Variants in CNTN5 observed in about 807,000 individuals in gnomAD.
CNTN5 encodes the protein contactin 5.
A neutral mutation model predicts 129.1 loss-of-function variants in CNTN5; 77 were observed. The observed-to-expected ratio is 0.60, with a 90% CI of 0.50 to 0.72. CNTN5 has a LOEUF of 0.72. Among genes scored for constraint, CNTN5 ranks in the 30% least tolerant of loss-of-function variants. The pLI is 0.00. For synonymous variants in CNTN5, 509 were observed against 465.6 expected, an observed-to-expected ratio of 1.09 and a Z score of -1.20; for missense variants, 1,478 against 1,328.8, an observed-to-expected ratio of 1.11 and a Z score of -1.75.
chr11:100,281,657 T>C (rs980624079), intron 18 of CNTN5, among the ~76,000 whole-genome samples: 1 of 152,174 alleles, frequency 6.6e-6, no homozygotes, highest in South Asian at 2.1e-4. Flanking sequence ...TCTCTGATAT[T>C]ATCCATTTGA....
intron 3 of CNTN5, among the ~76,000 whole-genome samples, chr11:99,813,360 G>T (rs180972794): frequency 3.9e-5 from 6 of 152,186 alleles, no homozygotes; most frequent in Admixed American, 3.3e-4. Context: ...TTGGGGTGAT[G>T]AATAAAAACA....
At chr11:99,320,927 T>C (rs1411255957) in intron 1 of CNTN5, among the ~76,000 whole-genome samples, 1 of 152,126 alleles carries the variant, frequency 6.6e-6, no homozygotes, top group African/African-American at 2.4e-5. Context: ...GTGGGCCCCA[T>C]CCAATCAGTT....
Position 100,243,107 on chromosome 11 carries a change from C to T in CNTN5, c.2006-12653C>T, listed in dbSNP as rs972959369. 3.9e-5 allele frequency among the ~76,000 whole-genome samples: 6 copies of T among 152,184 alleles called. No individual in the cohort carries two copies. In the South Asian group the frequency reaches 1.2e-3, roughly 31 times the overall value. On this transcript the variant is annotated intron_variant, in intron 16 of 24. Coordinates refer to ENST00000524871, the MANE Select transcript of CNTN5 (RefSeq NM_014361.4). Reference sequence around the variant, plus strand: ...ACGCTGCATCCTACTTTCCACCTCACCCTGTTCTTTGTAGTGTGCACGTGC... The same window carrying T: ...ACGCTGCATCCTACTTTCCACCTCATCCTGTTCTTTGTAGTGTGCACGTGC...
intron 2 of CNTN5, among the ~76,000 whole-genome samples, chr11:99,553,965 T>TACAC (rs34430127): frequency 0.26 from 37,179 of 145,666 alleles, 5,012 homozygotes; most frequent in Middle Eastern, 0.35. Flanking sequence ...TGAAAATGAA[T>TACAC]ACACACACAC....
intron 3 of CNTN5, among the ~76,000 whole-genome samples, chr11:99,689,051 G>A (rs1591482365): frequency 6.6e-6 from 1 of 152,020 alleles, no homozygotes; most frequent in Non-Finnish European, 1.5e-5. Context: ...ATTGTGAATA[G>A]TGCTCTAATG....
At chr11:99,446,988 G>A (rs927169202) in intron 2 of CNTN5, among the ~76,000 whole-genome samples, 6 of 152,090 alleles carry the variant, frequency 3.9e-5, no homozygotes, top group African/African-American at 1.4e-4. Context: ...TTGAGGCGAA[G>A]GGAAGTCTAA....
chr11:99,622,837 GA>G (rs139145102), intron 3 of CNTN5, among the ~76,000 whole-genome samples: 4 of 149,832 alleles, frequency 2.7e-5, no homozygotes, highest in African/African-American at 7.4e-5. Flanking sequence ...TTAGAAAACT[GA>G]AAAAAAAAGT....
In CNTN5 at chr11:100,343,640, A is replaced by G. The variant is rs574397511; in HGVS notation, c.3030+2435A>G. 2.0e-4 allele frequency among the ~76,000 whole-genome samples: 31 copies of G among 152,244 alleles called. 2 individuals are homozygous for G. The highest frequency in any genetic ancestry group is 6.0e-4 in the African/African-American group (25 of 41,554). ...TAAACTAAAGAGCTATAACCCAGAG[A>G]ACACAAGCTTGGAGCCCGTCTTCTG... On this transcript the variant is annotated intron_variant, in intron 23 of 24. Coordinates refer to ENST00000524871, the MANE Select transcript of CNTN5 (RefSeq NM_014361.4).
In CNTN5 at chr11:100,191,146, G is replaced by A. The variant is rs1415916209; in HGVS notation, c.1601G>A (p.Gly534Glu). 3.7e-6 allele frequency: 6 copies of A among 1,604,624 alleles called. No homozygotes were observed. In the African/African-American group the frequency reaches 8.1e-5, roughly 22 times the overall value. ...TTCAGAATAGCTATTCTTCCAGACG[G>A]GAGTCTACGGATCCTAAATGCTTCC... is the stretch of plus-strand genomic sequence containing the variant. Reference protein sequence around the residue: ...ENKRIAILPDGSLRILNASKS... With the variant: ...ENKRIAILPDESLRILNASKS... The change falls in exon 14 of 25, where the codon GGG becomes GAG. Residue 534 changes from glycine (G) to glutamate (E), a missense_variant. Coordinates refer to ENST00000524871, the MANE Select transcript of CNTN5 (RefSeq NM_014361.4).
intron 4 of CNTN5, among the ~76,000 whole-genome samples, chr11:99,835,058 C>G (rs1199197937): frequency 6.6e-6 from 1 of 152,186 alleles, no homozygotes; most frequent in Admixed American, 6.5e-5. Flanking sequence ...AAACTCCTTT[C>G]AAAAAGTTTA....
At chr11:99,168,329 C>T (rs1236459859) in intron 1 of CNTN5, among the ~76,000 whole-genome samples, 5 of 150,444 alleles carry the variant, frequency 3.3e-5, no homozygotes, top group East Asian at 2.0e-4. Flanking sequence ...TTTGGGAGGC[C>T]GAGGCCGGGG....
intron 3 of CNTN5, among the ~76,000 whole-genome samples, chr11:99,802,256 G>T (rs1357128467): frequency 3.3e-5 from 5 of 152,132 alleles, no homozygotes; most frequent in African/African-American, 1.2e-4. Context: ...CTAACATACT[G>T]GGTAGCTACT....
intron 3 of CNTN5, among the ~76,000 whole-genome samples, chr11:99,645,108 A>G (rs1462488845): frequency 6.6e-6 from 1 of 150,608 alleles, no homozygotes; most frequent in African/African-American, 2.4e-5. Context: ...TACTTTAAAA[A>G]AAAAAGCCAG....
intron 3 of CNTN5, 103 bp downstream of exon 3, chr11:99,556,372 T>G: frequency 1.5e-6 from 1 of 674,050 alleles, no homozygotes. Context: ...TAATTTAAAT[T>G]TATATCAGTA....
At chr11:99,647,788 A>AT (rs200264282) in intron 3 of CNTN5, among the ~76,000 whole-genome samples, 16 of 147,588 alleles carry the variant, frequency 1.1e-4, no homozygotes, top group African/African-American at 3.0e-4. Flanking sequence ...AAGGCATTTT[A>AT]TTTTTTTTTT....
intron 16 of CNTN5, among the ~76,000 whole-genome samples, chr11:100,231,567 AG>A (rs1436029078): frequency 6.6e-6 from 1 of 152,188 alleles, no homozygotes; most frequent in African/African-American, 2.4e-5. Context: ...GTGTCAAAGT[AG>A]TTATTAATGA....
chr11:99,479,814 AC>A (rs771094323), intron 2 of CNTN5, among the ~76,000 whole-genome samples: 1 of 152,068 alleles, frequency 6.6e-6, no homozygotes, highest in Non-Finnish European at 1.5e-5. Flanking sequence ...AGAAAAAAAA[AC>A]ATTTTATAAA....
At chr11:99,119,253 C>G (rs1301299855) in intron 1 of CNTN5, among the ~76,000 whole-genome samples, 1 of 152,104 alleles carries the variant, frequency 6.6e-6, no homozygotes, top group Non-Finnish European at 1.5e-5. Context: ...GGTATTAAGC[C>G]TAATATCTAT....
At chr11:99,917,420 A>C (rs1949821953) in intron 7 of CNTN5, among the ~76,000 whole-genome samples, 1 of 152,124 alleles carries the variant, frequency 6.6e-6, no homozygotes, top group Admixed American at 6.6e-5. Context: ...TATTACATTT[A>C]GGGAAAGTGT....
Sources: gnomAD v4.1 joint callset for allele counts (sites outside exome capture counted in the v4.1 genomes callset) on GRCh38, gnomAD v4.1.1 for gene constraint, MANE v1.5 for transcripts, NCBI Gene and HGNC (gene_info 2026-07-23, HGNC 2026-07-21) for gene names.